The following XKR9 variants were observed in gnomAD, a reference collection of about 807,000 sequenced individuals.
The protein encoded by XKR9 is XK-related protein 9.
A neutral mutation model predicts 32.0 loss-of-function variants in XKR9; 32 were observed. That is an observed-to-expected ratio of 1.00 (90% CI 0.76 to 1.34). XKR9 has a LOEUF of 1.34. Among genes scored for constraint, XKR9 ranks in the 40% most tolerant of loss-of-function variants. The pLI, the probability that XKR9 is intolerant of heterozygous loss-of-function variation, is 0.00. For synonymous variants in XKR9, 168 were observed against 143.4 expected (o/e 1.17, Z -1.22); for missense variants, 546 against 429.7 (o/e 1.27, Z -2.39).
chr8:70,977,829 G>A, the XKR9 span, among the ~76,000 whole-genome samples: 3 of 152,208 alleles, frequency 2.0e-5, no homozygotes, highest in Non-Finnish European at 4.4e-5. Flanking sequence ...AATATTGACA[G>A]TGGGTTGTTA....
At chr8:71,064,290 T>C in the XKR9 span, among the ~76,000 whole-genome samples, 1 of 152,206 alleles carries the variant, frequency 6.6e-6, no homozygotes, top group Non-Finnish European at 1.5e-5. Context: ...ATTCTTCTTC[T>C]ATAATAATAC....
At chr8:70,770,286 A>G (rs1032339884) in intron 2 of XKR9, among the ~76,000 whole-genome samples, 3 of 152,106 alleles carry the variant, frequency 2.0e-5, no homozygotes, top group Non-Finnish European at 4.4e-5. Context: ...CAGAACAGCA[A>G]AGATTGCTGC....
the XKR9 span, among the ~76,000 whole-genome samples, chr8:70,947,184 C>T: frequency 6.6e-6 from 1 of 152,198 alleles, no homozygotes; most frequent in Non-Finnish European, 1.5e-5. Flanking sequence ...TATCTGAAGA[C>T]CTGAAAATAT....
At chr8:70,872,753 C>G in the XKR9 span, among the ~76,000 whole-genome samples, 1 of 152,142 alleles carries the variant, frequency 6.6e-6, no homozygotes, top group Non-Finnish European at 1.5e-5. Context: ...CTCTTCCTCC[C>G]AGGTGCAAGC....
the XKR9 span, among the ~76,000 whole-genome samples, chr8:70,906,476 A>G: frequency 6.6e-6 from 1 of 152,204 alleles, no homozygotes; most frequent in African/African-American, 2.4e-5. Context: ...CTGTCCATGC[A>G]TGTGTCCCTT....
At chr8:70,700,352 G>T (rs1371961650) in intron 3 of XKR9, among the ~76,000 whole-genome samples, 5 of 152,124 alleles carry the variant, frequency 3.3e-5, no homozygotes. Context: ...ATGTACAGAT[G>T]GGTTTTTGGT....
At chr8:70,899,585 T>C in the XKR9 span, among the ~76,000 whole-genome samples, 1 of 152,148 alleles carries the variant, frequency 6.6e-6, no homozygotes, top group Admixed American at 6.5e-5. Context: ...TTGGGCTCTC[T>C]TTGCACTTTG....
At chr8:70,959,219 G>A in the XKR9 span, among the ~76,000 whole-genome samples, 4 of 151,884 alleles carry the variant, frequency 2.6e-5, no homozygotes, top group African/African-American at 9.7e-5. Flanking sequence ...ATGGAAAGTG[G>A]GAAATAATCT....
intron 4 of XKR9, among the ~76,000 whole-genome samples, chr8:70,718,083 C>T (rs1168413847): frequency 6.6e-6 from 1 of 152,092 alleles, no homozygotes; most frequent in African/African-American, 2.4e-5. Context: ...TGGTCAAAGG[C>T]ATTCAACAAG....
At position 70,707,072 on chromosome 8, in the gene XKR9, G is replaced by A. The variant is rs1344912843; in HGVS notation, c.412G>A (p.Glu138Lys). 1.9e-6 allele frequency: 3 copies of A among 1,613,314 alleles called. No individual in the cohort carries two copies. The highest frequency in any genetic ancestry group is 2.5e-6 in the Non-Finnish European group (3 of 1,179,520). Reference protein sequence around the residue: ...VTDLSMLRLFETYLEGCPQLI... With the variant: ...VTDLSMLRLFKTYLEGCPQLI... ...TGATTTGAGCATGCTCAGACTATTT[G>A]AGACCTACCTGGAAGGCTGCCCACA... The change falls in exon 4 of 5, where the codon GAG becomes AAG. Residue 138 changes from glutamate to lysine, a missense_variant. Coordinates refer to ENST00000408926, the MANE Select transcript of XKR9 (RefSeq NM_001011720.2).
At chr8:70,883,552 A>C in the XKR9 span, among the ~76,000 whole-genome samples, 2 of 152,144 alleles carry the variant, frequency 1.3e-5, no homozygotes, top group Non-Finnish European at 2.9e-5. Flanking sequence ...AGGAATCTCC[A>C]TACTGTTTCC....
chr8:70,705,471 G>A (rs1045668385), intron 3 of XKR9, among the ~76,000 whole-genome samples: 3 of 152,108 alleles, frequency 2.0e-5, no homozygotes, highest in Non-Finnish European at 4.4e-5. Context: ...TTTGAGTAGA[G>A]ACCTGAATAA....
the XKR9 span, among the ~76,000 whole-genome samples, chr8:70,897,031 C>T: frequency 2.0e-5 from 3 of 152,062 alleles, no homozygotes; most frequent in Non-Finnish European, 2.9e-5. Flanking sequence ...TCACCCCATT[C>T]CCCACTACCC....
In XKR9 at chr8:70,742,126, T is replaced by C. The variant is rs187449579; in HGVS notation, n.352+34973T>C. ...TCTTTGGAGAACTCTCTATATTTAA[T>C]TAAGGGTTAACATCCAGAGTATATA... On this transcript the variant is annotated intron_variant and non_coding_transcript_variant, in intron 2 of 3. Coordinates refer to the XKR9 transcript ENST00000520273. Among the ~76,000 whole-genome samples the C allele has an allele frequency of 4.3e-4, 65 of 152,312 alleles. No homozygotes were observed. The East Asian group carries it at 0.012, about 27-fold the overall frequency.
At chr8:70,812,285 C>T in the XKR9 span, among the ~76,000 whole-genome samples, 23 of 152,242 alleles carry the variant, frequency 1.5e-4, no homozygotes, top group African/African-American at 3.4e-4. Flanking sequence ...ATTGATGGGA[C>T]GTATCTCAAA....
intron 2 of XKR9, among the ~76,000 whole-genome samples, chr8:70,745,942 G>A (rs1807052444): frequency 6.6e-6 from 1 of 152,060 alleles, no homozygotes; most frequent in African/African-American, 2.4e-5. Flanking sequence ...ATTCAAAGTT[G>A]GACTTTTCTA....
intron 4 of XKR9, among the ~76,000 whole-genome samples, chr8:70,731,563 G>T (rs548692311): frequency 6.6e-6 from 1 of 152,142 alleles, no homozygotes; most frequent in Non-Finnish European, 1.5e-5. Flanking sequence ...CAAAATACAC[G>T]TAACAAAACA....
rs189500179 is a variant in XKR9 at position 70,751,425 on chromosome 8, G to A, written n.353-37914G>A. ...ATTACAGGTGTGAGCCACCGTGCCC[G>A]GCCTGTGATAATTTTAGGTGTCAAC... On this transcript the variant is annotated intron_variant and non_coding_transcript_variant, in intron 2 of 3. Coordinates refer to the XKR9 transcript ENST00000520273. Among the ~76,000 whole-genome samples the A allele has an allele frequency of 1.3e-3, 191 of 152,208 alleles. 1 individual carries two copies. The highest frequency in any genetic ancestry group is 6.8e-3 in the Middle Eastern group (2 of 294).
At chr8:70,856,662 G>A in the XKR9 span, among the ~76,000 whole-genome samples, 1 of 152,156 alleles carries the variant, frequency 6.6e-6, no homozygotes, top group South Asian at 2.1e-4. Flanking sequence ...CAAATCAACA[G>A]AATATACATT....
Sources: gnomAD v4.1 joint callset for allele counts (sites outside exome capture counted in the v4.1 genomes callset) on GRCh38, gnomAD v4.1.1 for gene constraint, MANE v1.5 for transcripts, NCBI Gene and HGNC (gene_info 2026-07-23, HGNC 2026-07-21) for gene names.